Variants in NKAIN2 observed in about 807,000 individuals in gnomAD.
NKAIN2 encodes the protein sodium/potassium-transporting ATPase subunit beta-1-interacting protein 2.
A neutral mutation model predicts 32.6 loss-of-function variants in NKAIN2; 14 were observed. That is an observed-to-expected ratio of 0.43 (90% CI 0.28 to 0.67). The LOEUF (loss-of-function observed/expected upper bound fraction) is 0.67. Among genes scored for constraint, NKAIN2 ranks in the 30% least tolerant of loss-of-function variants. The pLI is 0.17. For synonymous variants in NKAIN2, 80 were observed against 87.2 expected, an observed-to-expected ratio of 0.92 and a Z score of 0.46; for missense variants, 198 against 258.3, an observed-to-expected ratio of 0.77 and a Z score of 1.60.
At chr6:124,121,930 A>G (rs1785904550) in intron 1 of NKAIN2, 2 of 1,225,892 alleles carry the variant, frequency 1.6e-6, no homozygotes, top group South Asian at 1.3e-5. Context: ...TTGTCCCACA[A>G]ATATCTTAAC....
chr6:124,434,884 G>A (rs567217780), intron 3 of NKAIN2, among the ~76,000 whole-genome samples: 46 of 152,212 alleles, frequency 3.0e-4, no homozygotes, highest in African/African-American at 1.0e-3. Flanking sequence ...GATGGTCAGA[G>A]AATTTGAAGC....
At position 124,518,177 on chromosome 6, in the gene NKAIN2, T is replaced by A. The variant is rs9491187; in HGVS notation, c.274-140009T>A. Among the ~76,000 whole-genome samples the A allele has an allele frequency of 5.0e-3, 754 of 151,938 alleles. 12 individuals carry two copies. Among genetic ancestry groups the A allele is most frequent in the African/African-American group, 0.017 (720 of 41,452 alleles). On this transcript the variant is annotated intron_variant, in intron 3 of 6. Coordinates refer to ENST00000368417, the MANE Select transcript of NKAIN2 (RefSeq NM_001040214.3). Reference sequence around the variant, plus strand: ...ATTCATTACACTATCTGTAAAAGCATGCGAAAATTCTCTCTGCACATTTTG... The same window carrying A: ...ATTCATTACACTATCTGTAAAAGCAAGCGAAAATTCTCTCTGCACATTTTG...
intron 3 of NKAIN2, among the ~76,000 whole-genome samples, chr6:124,572,000 TTATC>T (rs1287079403): frequency 6.6e-6 from 1 of 151,720 alleles, no homozygotes; most frequent in Non-Finnish European, 1.5e-5. Context: ...GCACTCTATT[TTATC>T]TGTTCTTTTG....
intron 1 of NKAIN2, among the ~76,000 whole-genome samples, chr6:124,018,855 C>A (rs1199350922): frequency 6.6e-6 from 1 of 152,158 alleles, no homozygotes; most frequent in East Asian, 1.9e-4. Context: ...GGTGTTTTTA[C>A]AGCAGTACCC....
intron 1 of NKAIN2, among the ~76,000 whole-genome samples, chr6:124,053,186 A>T (rs1391837070): frequency 1.3e-5 from 2 of 152,088 alleles, no homozygotes; most frequent in South Asian, 2.1e-4. Flanking sequence ...AGATTATTTC[A>T]TCACCCAGGT....
chr6:124,278,387 C>T (rs2114904984), intron 1 of NKAIN2, among the ~76,000 whole-genome samples: 1 of 151,922 alleles, frequency 6.6e-6, no homozygotes, highest in African/African-American at 2.4e-5. Flanking sequence ...ATCTTGAAGA[C>T]ATTTTACAGA....
intron 3 of NKAIN2, among the ~76,000 whole-genome samples, chr6:124,400,975 T>A (rs1232781902): frequency 1.3e-5 from 2 of 152,208 alleles, no homozygotes; most frequent in African/African-American, 4.8e-5. Flanking sequence ...GTAAATGGAA[T>A]CTTACAGTAT....
chr6:124,271,811 G>A (rs1794806499), intron 1 of NKAIN2, among the ~76,000 whole-genome samples: 1 of 152,128 alleles, frequency 6.6e-6, no homozygotes, highest in African/African-American at 2.4e-5. Flanking sequence ...ATGGAGATGA[G>A]GAACTTATTG....
intron 5 of NKAIN2, among the ~76,000 whole-genome samples, chr6:124,809,791 A>T (rs1295070522): frequency 1.3e-5 from 2 of 152,320 alleles, no homozygotes; most frequent in East Asian, 3.9e-4. Context: ...TTACAAGAAA[A>T]AAACAAACAA....
intron 1 of NKAIN2, among the ~76,000 whole-genome samples, chr6:123,897,308 A>G (rs1024026294): frequency 3.3e-5 from 5 of 152,242 alleles, no homozygotes; most frequent in African/African-American, 1.2e-4. Context: ...TCATGGTGAT[A>G]TAGCAATTTT....
intron 3 of NKAIN2, among the ~76,000 whole-genome samples, chr6:124,619,698 G>A (rs1180260299): frequency 6.6e-6 from 1 of 152,046 alleles, no homozygotes; most frequent in Admixed American, 6.5e-5. Flanking sequence ...AGGAATCTTT[G>A]AATTATACCT....
chr6:123,836,494 G>A (rs1774629910), intron 1 of NKAIN2, among the ~76,000 whole-genome samples: 1 of 151,964 alleles, frequency 6.6e-6, no homozygotes, highest in Non-Finnish European at 1.5e-5. Flanking sequence ...AAAACCAAAC[G>A]GAGGGACCTC....
chr6:123,836,636 C>T lies in NKAIN2; in HGVS notation c.54+32382C>T, dbSNP rs928702657. Reference sequence around the variant, plus strand: ...GAAATATGGTGTCCTGGCTTTCATCCTGGACCAAAAAAAAAAGGTGACATT... The same window carrying T: ...GAAATATGGTGTCCTGGCTTTCATCTTGGACCAAAAAAAAAAGGTGACATT... On this transcript the variant is annotated intron_variant, in intron 1 of 6. Coordinates refer to ENST00000368417, the MANE Select transcript of NKAIN2 (RefSeq NM_001040214.3). 3.2e-5 allele frequency among the ~76,000 whole-genome samples: 4 copies of T among 126,456 alleles called. No homozygotes were observed. In the Admixed American group the frequency reaches 3.3e-4, roughly 10 times the overall value. 83.0% of individuals were successfully genotyped at this position (126,456 alleles called of 152,430 possible).
At chr6:124,623,681 A>G (rs1268260584) in intron 3 of NKAIN2, among the ~76,000 whole-genome samples, 1 of 152,210 alleles carries the variant, frequency 6.6e-6, no homozygotes, top group Non-Finnish European at 1.5e-5. Flanking sequence ...GAGGTGTGTT[A>G]AATTCAGGAT....
chr6:123,915,586 C>G (rs1247652207), intron 1 of NKAIN2, among the ~76,000 whole-genome samples: 3 of 152,162 alleles, frequency 2.0e-5, no homozygotes, highest in African/African-American at 7.2e-5. Flanking sequence ...GTGTGTTGCT[C>G]AGGCGCAATT....
intron 1 of NKAIN2, among the ~76,000 whole-genome samples, chr6:123,932,435 GAGAA>G: frequency 1.5e-5 from 1 of 66,736 alleles, no homozygotes; most frequent in South Asian, 4.6e-4. Flanking sequence ...TTTTTTTTTT[GAGAA>G]AGAGTCTTGT....
intron 3 of NKAIN2, among the ~76,000 whole-genome samples, chr6:124,529,970 C>T (rs962078041): frequency 2.0e-5 from 3 of 152,142 alleles, no homozygotes; most frequent in Non-Finnish European, 4.4e-5. Context: ...GTCATAATCA[C>T]TGAAGAATGG....
intron 4 of NKAIN2, among the ~76,000 whole-genome samples, chr6:124,784,024 G>A (rs1779392719): frequency 6.6e-6 from 1 of 152,008 alleles, no homozygotes; most frequent in African/African-American, 2.4e-5. Context: ...TGGCATAAAG[G>A]CACAAAATTA....
At chr6:124,254,478 T>G (rs1163964055) in intron 1 of NKAIN2, among the ~76,000 whole-genome samples, 1 of 152,148 alleles carries the variant, frequency 6.6e-6, no homozygotes, top group East Asian at 1.9e-4. Flanking sequence ...GCAGTGTAGA[T>G]TGATTTGTAT....
Sources: allele counts gnomAD v4.1 joint callset (sites outside exome capture counted in the v4.1 genomes callset), GRCh38; gene constraint gnomAD v4.1.1; transcripts MANE v1.5; gene names NCBI Gene and HGNC (gene_info 2026-07-23, HGNC 2026-07-21).